The following SGCD variants were observed in gnomAD, a reference collection of about 807,000 sequenced individuals.
The protein encoded by SGCD is sarcoglycan delta, also known as delta-sarcoglycan.
SGCD carries 18 observed loss-of-function variants against 36.6 expected under a neutral mutation model. The observed-to-expected ratio is 0.49, with a 90% CI of 0.34 to 0.73. The LOEUF (loss-of-function observed/expected upper bound fraction) is 0.73, where lower values mean the gene tolerates loss of function less well. Ranked by LOEUF, SGCD falls within the 30% of genes least tolerant of loss-of-function variation. The pLI, the probability that SGCD is intolerant of heterozygous loss-of-function variation, is 0.01. For synonymous variants in SGCD, 133 were observed against 130.6 expected (o/e 1.02, Z -0.12); for missense variants, 387 against 346.7 (o/e 1.12, Z -0.92).
intron 1 of SGCD, among the ~76,000 whole-genome samples, chr5:155,943,413 C>G (rs988143844): frequency 6.6e-6 from 1 of 152,040 alleles, no homozygotes; most frequent in Non-Finnish European, 1.5e-5. Context: ...CCCTGGGAGT[C>G]TGTTTCTTCA....
At chr5:156,639,744 G>A (rs1182916660) in intron 6 of SGCD, among the ~76,000 whole-genome samples, 1 of 151,946 alleles carries the variant, frequency 6.6e-6, no homozygotes, top group African/African-American at 2.4e-5. Flanking sequence ...GTTTAACACA[G>A]ATAAACTGTT....
intron 3 of SGCD, among the ~76,000 whole-genome samples, chr5:156,456,997 C>A (rs1461965149): frequency 1.3e-5 from 2 of 152,132 alleles, no homozygotes; most frequent in African/African-American, 4.8e-5. Context: ...TTGATTGGAG[C>A]ATTTGCCTAA....
At chr5:156,120,268 G>A (rs1754637557) in intron 2 of SGCD, among the ~76,000 whole-genome samples, 1 of 152,078 alleles carries the variant, frequency 6.6e-6, no homozygotes, top group African/African-American at 2.4e-5. Context: ...TGGGAGGTGA[G>A]GAGCAAAGTA....
chr5:155,739,306 C>T, the SGCD span, among the ~76,000 whole-genome samples: 2 of 152,212 alleles, frequency 1.3e-5, no homozygotes, highest in Admixed American at 1.3e-4. Flanking sequence ...TTCCATGCAG[C>T]AGGAAAAGCA....
intron 1 of SGCD, among the ~76,000 whole-genome samples, chr5:156,021,285 C>T (rs769926864): frequency 1.3e-5 from 2 of 152,074 alleles, no homozygotes; most frequent in Non-Finnish European, 2.9e-5. Context: ...ATGTATTGAG[C>T]ATGTATTGTA....
chr5:155,833,068 A>AAAAG, the SGCD span, among the ~76,000 whole-genome samples: 196 of 142,510 alleles, frequency 1.4e-3, 2 homozygotes, highest in Middle Eastern at 3.6e-3. Flanking sequence ...AAAAAAAAAA[A>AAAAG]AAAGAAAAAA....
chr5:156,583,181 A>G (rs187379754), intron 4 of SGCD, among the ~76,000 whole-genome samples: 6 of 152,176 alleles, frequency 3.9e-5, no homozygotes, highest in African/African-American at 7.2e-5. Context: ...ATTGAAGGCA[A>G]TGCCAACTGT....
intron 3 of SGCD, among the ~76,000 whole-genome samples, chr5:156,262,325 G>A (rs1423965953): frequency 6.6e-6 from 1 of 151,992 alleles, no homozygotes; most frequent in Non-Finnish European, 1.5e-5. Flanking sequence ...TCTTATCATT[G>A]CATTACAGTT....
the SGCD span, among the ~76,000 whole-genome samples, chr5:155,799,861 C>T: frequency 7.1e-6 from 1 of 140,070 alleles, no homozygotes; most frequent in African/African-American, 2.6e-5. Context: ...CACTCTCACC[C>T]AGGCTGGAGT....
Position 156,184,216 on chromosome 5 carries a change from C to A in SGCD, c.-44+60197C>A, listed in dbSNP as rs542421813. Among the ~76,000 whole-genome samples the A allele has an allele frequency of 3.9e-5, 6 of 152,268 alleles. No individual in the cohort carries two copies. In the East Asian group the frequency reaches 9.7e-4, roughly 25 times the overall value. On this transcript the variant is annotated intron_variant, in intron 3 of 9. Transcript: ENST00000517913. ...AGTATGGGTACTGGAAGTACGGTTT[C>A]TGCTGAATGCCTAACGCTTTCACAC...
chr5:155,772,918 T>C, the SGCD span, among the ~76,000 whole-genome samples: 3 of 152,136 alleles, frequency 2.0e-5, no homozygotes, highest in Admixed American at 2.0e-4. Flanking sequence ...AAGTCAACAG[T>C]TGATTTATAA....
chr5:156,269,683 G>GCATGTC, intron 3 of SGCD, among the ~76,000 whole-genome samples: 1 of 151,968 alleles, frequency 6.6e-6, no homozygotes, highest in East Asian at 1.9e-4. Context: ...CAGTTCCTTT[G>GCATGTC]CATGTCCATT....
intron 3 of SGCD, among the ~76,000 whole-genome samples, chr5:156,502,149 C>A (rs1756484300): frequency 6.6e-6 from 1 of 151,832 alleles, no homozygotes; most frequent in Non-Finnish European, 1.5e-5. Context: ...TGTGTTCACG[C>A]CATTCTCCTG....
At chr5:156,355,608 G>GGTAAA (rs1367965859) in intron 3 of SGCD, among the ~76,000 whole-genome samples, 1 of 152,180 alleles carries the variant, frequency 6.6e-6, no homozygotes, top group Middle Eastern at 3.2e-3. Context: ...AGTTGGATCA[G>GGTAAA]ATGATACATA....
intron 1 of SGCD, among the ~76,000 whole-genome samples, chr5:156,072,476 TG>T (rs1306480579): frequency 6.6e-6 from 1 of 152,020 alleles, no homozygotes; most frequent in Non-Finnish European, 1.5e-5. Context: ...TCTTCTGGCT[TG>T]TAGAGTTTCT....
At chr5:155,906,146 T>C (rs377423089) in intron 1 of SGCD, among the ~76,000 whole-genome samples, 10 of 152,286 alleles carry the variant, frequency 6.6e-5, no homozygotes, top group African/African-American at 2.2e-4. Flanking sequence ...TTAATGCTAT[T>C]AATGTAAGTG....
At chr5:155,773,661 C>G in the SGCD span, among the ~76,000 whole-genome samples, 2 of 152,140 alleles carry the variant, frequency 1.3e-5, no homozygotes, top group South Asian at 4.1e-4. Flanking sequence ...TAAGGAAACT[C>G]TATTCTAAGA....
intron 1 of SGCD, among the ~76,000 whole-genome samples, chr5:155,886,255 G>A (rs973411762): frequency 6.6e-6 from 1 of 152,174 alleles, no homozygotes; most frequent in Non-Finnish European, 1.5e-5. Flanking sequence ...GGTCTTATAA[G>A]GGACTGGAAT....
At chr5:156,180,376 A>C (rs139492234) in intron 3 of SGCD, among the ~76,000 whole-genome samples, 4,307 of 149,416 alleles carry the variant, frequency 0.029, 174 homozygotes, top group African/African-American at 0.09. Context: ...TAAAGCAATA[A>C]ATTAAAATAA....
Sources: gnomAD v4.1 joint callset for allele counts (sites outside exome capture counted in the v4.1 genomes callset) on GRCh38, gnomAD v4.1.1 for gene constraint, MANE v1.5 for transcripts, NCBI Gene and HGNC (gene_info 2026-07-23, HGNC 2026-07-21) for gene names.